The following WAPL variants were observed in gnomAD, a reference collection of about 807,000 sequenced individuals.
WAPL encodes the protein WAPL cohesin release factor.
In WAPL, 5 loss-of-function variants were observed where a neutral mutation model predicts 121.0. That is an observed-to-expected ratio of 0.04 (90% CI 0.02 to 0.09). The LOEUF (loss-of-function observed/expected upper bound fraction) is 0.09, where lower values mean the gene tolerates loss of function less well. Among genes scored for constraint, WAPL ranks in the 10% least tolerant of loss-of-function variants. The probability of loss-of-function intolerance (pLI) is 1.00; values close to 1 mark genes in which losing one functional copy is unlikely to be tolerated. For missense variants in WAPL, 999 were observed against 1,410.8 expected, an observed-to-expected ratio of 0.71 and a Z score of 4.68; for synonymous variants, 480 against 481.5, an observed-to-expected ratio of 1.00 and a Z score of 0.04.
In WAPL at chr10:86,435,760, A is replaced by G. The variant is rs1310066425; in HGVS notation, c.*1783T>C. The G allele has an allele frequency of 6.6e-6, 1 of 152,488 alleles. No individual in the cohort carries two copies. 9.4% of individuals were successfully genotyped at this position (152,488 alleles called of 1,614,324 possible). ...GTTCGCCCTGATTGTTCTCATCCAA[A>G]TGTTTTATAATATTCCTTACCATCT... On this transcript the variant is annotated 3_prime_UTR_variant, in exon 19 of 19. Coordinates refer to ENST00000298767, the MANE Select transcript of WAPL (RefSeq NM_015045.5).
rs557292593 is a variant in WAPL, at chr10:86,492,261, T to C, written c.1644+4940A>G. 6.6e-5 allele frequency among the ~76,000 whole-genome samples: 10 copies of C among 152,322 alleles called. No homozygotes were observed. In the East Asian group the frequency reaches 1.3e-3, roughly 21 times the overall value. ...AGAAGGAGAGATGAAGGTTCCTCTT[T>C]ACAAAATTCCAGCTATTAAATGTGT... On this transcript the variant is annotated intron_variant, in intron 4 of 18. Coordinates refer to ENST00000298767, the MANE Select transcript of WAPL (RefSeq NM_015045.5).
rs1842215578 is a variant in WAPL at position 86,499,922 on chromosome 10, C to G, written c.1321G>C (p.Gly441Arg). The change falls in exon 3 of 19, where the codon GGA becomes CGA. Residue 441 changes from glycine (G) to arginine (R), a missense_variant. Coordinates refer to ENST00000298767, the MANE Select transcript of WAPL (RefSeq NM_015045.5). ...FEDHETGGDE[G>R]GSGSSNYKIK... Reference sequence around the variant, plus strand: ...TTGTAATTAGAACTTCCAGAACCTCCTTCATCACCTCCTGTCTCATGATCT... The same window carrying G: ...TTGTAATTAGAACTTCCAGAACCTCGTTCATCACCTCCTGTCTCATGATCT... 6.2e-7 allele frequency: 1 copy of G among 1,613,954 alleles called. No individual in the cohort carries two copies. The highest frequency in any genetic ancestry group is 1.3e-5 in the African/African-American group (1 of 74,912).
At chr10:86,482,281 G>A (rs764576555) in intron 4 of WAPL, among the ~76,000 whole-genome samples, 2 of 152,118 alleles carry the variant, frequency 1.3e-5, no homozygotes, top group African/African-American at 2.4e-5. Flanking sequence ...ATAATCCTGT[G>A]AAAATGCATG....
intron 2 of WAPL, among the ~76,000 whole-genome samples, chr10:86,503,192 G>C (rs1383340016): frequency 6.6e-6 from 1 of 151,382 alleles, no homozygotes; most frequent in African/African-American, 2.4e-5. Flanking sequence ...TTCACTGGCT[G>C]GGCGCGGGGG....
intron 4 of WAPL, among the ~76,000 whole-genome samples, chr10:86,481,661 C>T (rs1841791537): frequency 6.6e-6 from 1 of 152,020 alleles, no homozygotes; most frequent in Admixed American, 6.6e-5. Flanking sequence ...GCGTGAACCA[C>T]CGCGCCGGGC....
chr10:86,444,713 T>C lies in WAPL; in HGVS notation c.3323-1350A>G, dbSNP rs1404832685. Among the ~76,000 whole-genome samples, 6 of 151,962 alleles carry C rather than the reference T, an allele frequency of 3.9e-5. No individual in the cohort carries two copies. The East Asian group carries it at 1.2e-3, about 29-fold the overall frequency. ...TGGCTGCTAATGGGTATTGGGTTCC[T>C]TTAGTGGTGATAAAAACAATATTTG... On this transcript the variant is annotated intron_variant, in intron 16 of 18. Transcript: ENST00000298767.
chr10:86,516,828 G>A (rs1842563942), intron 2 of WAPL, among the ~76,000 whole-genome samples: 1 of 152,144 alleles, frequency 6.6e-6, no homozygotes, highest in African/African-American at 2.4e-5. Flanking sequence ...GCTCATGCCT[G>A]TAATCCCAGC....
chr10:86,494,320 C>T (rs1025918320), intron 4 of WAPL, among the ~76,000 whole-genome samples: 28 of 152,182 alleles, frequency 1.8e-4, no homozygotes, highest in African/African-American at 6.8e-4. Flanking sequence ...AAAACCACCA[C>T]TGTTTAAGTT....
intron 4 of WAPL, among the ~76,000 whole-genome samples, chr10:86,481,473 A>G (rs772114873): frequency 7.9e-5 from 12 of 152,144 alleles, no homozygotes; most frequent in Non-Finnish European, 1.3e-4. Flanking sequence ...TCCCAGATTC[A>G]TGCGATTCTC....
chr10:86,520,459 A>G (rs974642918), intron 1 of WAPL, among the ~76,000 whole-genome samples: 1 of 152,212 alleles, frequency 6.6e-6, no homozygotes, highest in Non-Finnish European at 1.5e-5. Flanking sequence ...GCTAAATCCA[A>G]GCGATGGGTA....
intron 10 of WAPL, 136 bp downstream of exon 10, chr10:86,461,040 G>A: frequency 8.3e-6 from 6 of 721,842 alleles, no homozygotes; most frequent in Non-Finnish European, 1.3e-5. Context: ...TTAGAAATTT[G>A]CAGGATGCAA....
rs1046764520 is a variant in WAPL at position 86,500,801 on chromosome 10, A to G, written c.500-58T>C. The G allele has an allele frequency of 9.8e-6, 13 of 1,326,190 alleles. No homozygotes were observed. The Admixed American group carries it at 1.1e-4, about 11-fold the overall frequency. The allele number at this position is 1,326,190 out of a possible 1,614,324, so 82.2% of individuals were successfully genotyped here. A position where few individuals can be genotyped will look rare whatever the true frequency, so the allele number is the denominator to read the frequency against. On this transcript the variant is annotated intron_variant, in intron 2 of 18. Coordinates refer to ENST00000298767, the MANE Select transcript of WAPL (RefSeq NM_015045.5). ...GTGGTATCAACATAAAAGTTAATAA[A>G]TAACATATATGTGGTTAATCAATAG...
intron 4 of WAPL, among the ~76,000 whole-genome samples, chr10:86,489,139 C>T (rs1017061406): frequency 3.3e-5 from 5 of 152,156 alleles, no homozygotes; most frequent in African/African-American, 9.7e-5. Flanking sequence ...GCCTTAACTC[C>T]GCCAAAGATG....
rs1842589939 is a variant in WAPL, at chr10:86,517,791, C to T, written c.279G>A (p.Lys93=). 6.2e-7 allele frequency: 1 copy of T among 1,614,062 alleles called. No individual in the cohort carries two copies. ...PVSSKNLAQV[K]CSSYSESSEA... is the part of the protein sequence containing the mutation. ...CACTAGATTCTGAATAAGAGGAACA[C>T]TTAACCTGGGCTAAATTCTTTGAAG... Residue 93 remains lysine, a synonymous_variant, in exon 2 of 19, where the codon AAG becomes AAA. Transcript: ENST00000298767.
intron 17 of WAPL, among the ~76,000 whole-genome samples, chr10:86,440,416 T>C (rs1158247799): frequency 6.6e-6 from 1 of 151,698 alleles, no homozygotes; most frequent in African/African-American, 2.4e-5. Context: ...GCCTCCCGAG[T>C]AGCTGGGACT....
intron 2 of WAPL, among the ~76,000 whole-genome samples, chr10:86,502,623 T>A (rs922332483): frequency 2.0e-5 from 3 of 152,220 alleles, no homozygotes; most frequent in Non-Finnish European, 4.4e-5. Context: ...AATGTATACA[T>A]CTGTGTAACT....
At chr10:86,504,204 A>C (rs1842299393) in intron 2 of WAPL, among the ~76,000 whole-genome samples, 2 of 151,922 alleles carry the variant, frequency 1.3e-5, no homozygotes, top group South Asian at 4.2e-4. Context: ...TAAGCCAAGA[A>C]CACAAAGAAG....
chr10:86,515,621 A>C (rs891847344), intron 2 of WAPL, among the ~76,000 whole-genome samples: 3 of 151,922 alleles, frequency 2.0e-5, no homozygotes, highest in Non-Finnish European at 4.4e-5. Context: ...TGTCCCTACA[A>C]AAATACAAAA....
In WAPL at chr10:86,499,750, G is replaced by T. The variant is rs1202582308; in HGVS notation, c.1493C>A (p.Ser498Tyr). Residue 498 changes from serine to tyrosine, a missense_variant, in exon 3 of 19, where the codon TCC becomes TAC. By Grantham distance (144) the Ser-to-Tyr change is moderately radical. Transcript: ENST00000298767. ...GTTAGTACCAGACTGACTGTCCTGG[G>T]AATTATCATTGCTTTCTGGGGGAGG... ...LQPPPESNDNSQDSQSGTNNA... is the reference protein window; with the variant it reads ...LQPPPESNDNYQDSQSGTNNA... The T allele has an allele frequency of 6.3e-7, 1 of 1,596,284 alleles. No individual in the cohort carries two copies. The highest frequency in any genetic ancestry group is 8.5e-7 in the Non-Finnish European group (1 of 1,174,674).
Sources: gnomAD v4.1 joint callset for allele counts (sites outside exome capture counted in the v4.1 genomes callset) on GRCh38, gnomAD v4.1.1 for gene constraint, MANE v1.5 for transcripts, NCBI Gene and HGNC (gene_info 2026-07-23, HGNC 2026-07-21) for gene names.